The following EPG5 variants were observed in gnomAD, a reference collection of about 807,000 sequenced individuals.
EPG5 encodes ectopic P-granules 5 autophagy tethering factor.
A neutral mutation model predicts 302.7 loss-of-function variants in EPG5; 159 were observed. That is an observed-to-expected ratio of 0.53 (90% CI 0.46 to 0.60). The LOEUF (loss-of-function observed/expected upper bound fraction) is 0.60, where lower values mean the gene tolerates loss of function less well. EPG5 is among the 20% of genes least tolerant of loss of function. EPG5 has a pLI of 0.00. For synonymous variants in EPG5, 1,158 were observed against 1,136.8 expected (o/e 1.02, Z -0.37); for missense variants, 2,896 against 3,092.4 (o/e 0.94, Z 1.51).
rs528261811 is a variant in EPG5 at position 45,938,564 on chromosome 18, C to A, written c.2099+1036G>T. 6.6e-5 allele frequency among the ~76,000 whole-genome samples: 10 copies of A among 152,236 alleles called. No individual in the cohort carries two copies. In the South Asian group the frequency reaches 2.1e-3, roughly 32 times the overall value. ...AGTGGTTAACACTTAGCTAAGACCT[C>A]CTGATCTTTCTCTAAGTCTCTAGAT... On this transcript the variant is annotated intron_variant, in intron 10 of 43. Coordinates refer to ENST00000282041, the MANE Select transcript of EPG5 (RefSeq NM_020964.3).
chr18:45,887,109 A>G (rs1161041044), intron 29 of EPG5, among the ~76,000 whole-genome samples: 1 of 152,238 alleles, frequency 6.6e-6, no homozygotes, highest in Non-Finnish European at 1.5e-5. Context: ...TAGTGTTTAC[A>G]TATTTCAAAC....
At chr18:45,880,654 C>T (rs532143517) in intron 31 of EPG5, among the ~76,000 whole-genome samples, 53 of 152,232 alleles carry the variant, frequency 3.5e-4, no homozygotes, top group African/African-American at 1.1e-3. Flanking sequence ...AGTCTCCTAC[C>T]GGCCCCCCAA....
the EPG5 span, among the ~76,000 whole-genome samples, chr18:45,815,722 C>G: frequency 6.6e-6 from 1 of 152,154 alleles, no homozygotes; most frequent in African/African-American, 2.4e-5. Context: ...CTGCCAAAAG[C>G]AATCTACAAA....
rs1135402736 is a variant in EPG5, at chr18:45,922,395, G to A, written c.3044C>T (p.Ala1015Val). ...TFHPLLKAVK[A>V]GMPIGCYLAL... ...TAGATAACAGCCAATGGGCATGCCCGCTTTCACAGCCTTCAAGAGAGGATG... is the reference window on the plus strand; with the variant it reads ...TAGATAACAGCCAATGGGCATGCCCACTTTCACAGCCTTCAAGAGAGGATG... Residue 1015 changes from alanine (A) to valine (V), a missense_variant, in exon 16 of 44, where the codon GCG becomes GTG. Transcript: ENST00000282041. 15 of 1,614,078 alleles carry A rather than the reference G, an allele frequency of 9.3e-6. No individual in the cohort carries two copies. The highest frequency in any genetic ancestry group is 1.3e-5 in the Non-Finnish European group (15 of 1,180,048).
intron 16 of EPG5, among the ~76,000 whole-genome samples, chr18:45,919,841 T>C (rs1050075157): frequency 2.0e-5 from 3 of 152,298 alleles, no homozygotes; most frequent in Admixed American, 2.0e-4. Context: ...TTAAGCCTCA[T>C]AAAGTAAGTT....
chr18:45,860,961 G>A (rs774926871), intron 39 of EPG5, among the ~76,000 whole-genome samples: 7 of 152,114 alleles, frequency 4.6e-5, no homozygotes, highest in African/African-American at 1.4e-4. Flanking sequence ...GAAAAAGAAC[G>A]AATTCATTTT....
rs1599585295 is a variant in EPG5 at position 45,925,719 on chromosome 18, GA to G, written c.2718+18del. The G allele has an allele frequency of 6.9e-7, 1 of 1,445,920 alleles. No homozygotes were observed. The highest frequency in any genetic ancestry group is 9.1e-7 in the Non-Finnish European group (1 of 1,096,222). The allele number at this position is 1,445,920 out of a possible 1,614,324, so 89.6% of individuals were successfully genotyped here. A position where few individuals can be genotyped will look rare whatever the true frequency, so the allele number is the denominator to read the frequency against. On this transcript the variant is annotated intron_variant, in intron 14 of 43. Transcript: ENST00000282041. ...GCATGTACAACCTCCAGTCTCCAGG[GA>G]ATGGTTTGAACACATACCTGTTTAG...
intron 7 of EPG5, among the ~76,000 whole-genome samples, chr18:45,945,184 T>C (rs1447733832): frequency 6.6e-6 from 1 of 152,230 alleles, no homozygotes; most frequent in Non-Finnish European, 1.5e-5. Flanking sequence ...TACACTCTTA[T>C]TATGTATCTA....
chr18:45,838,435 G>C, the EPG5 span: 1 of 506,286 alleles, frequency 2.0e-6, no homozygotes, highest in South Asian at 3.0e-5. Context: ...ATTTGCTAGG[G>C]AGCCGGGACC....
rs1016456623 is a variant in EPG5, at chr18:45,866,731, T to C, written c.6621+67A>G. ...GCACTTCCTAGCTTCGACTGTCCTT[T>C]GTAGCACTTATGCTGCTACCAATCT... is the stretch of plus-strand genomic sequence containing the variant. On this transcript the variant is annotated intron_variant, in intron 38 of 43. Coordinates refer to ENST00000282041, the MANE Select transcript of EPG5 (RefSeq NM_020964.3). 12 of 1,249,366 alleles carry C rather than the reference T, an allele frequency of 9.6e-6. No individual in the cohort carries two copies. The African/African-American group carries it at 1.6e-4, about 17-fold the overall frequency. 77.4% of individuals were successfully genotyped at this position (1,249,366 alleles called of 1,614,324 possible).
At chr18:45,954,000 T>C in intron 2 of EPG5, 1 of 834,300 alleles carries the variant, frequency 1.2e-6, no homozygotes, top group Non-Finnish European at 1.4e-6. Flanking sequence ...TTGCTTGGCC[T>C]ACACTGTCTG....
rs763405574 is a variant in EPG5 at position 45,866,834 on chromosome 18, C to T, written c.6585G>A (p.Ala2195=). 1.2e-5 allele frequency: 20 copies of T among 1,614,040 alleles called. No individual in the cohort carries two copies. Among genetic ancestry groups the T allele is most frequent in the Admixed American group, 1.7e-5 (1 of 60,006 alleles). ...GGCTGTCAGTAGGAATAGAAAGGCC[C>T]GCAGACACTTTTAGGAGCTTCATGA... ...ELIMKLLKVS[A]GLSIPTDSQK... Residue 2195 remains alanine (A), a synonymous_variant, in exon 38 of 44, where the codon GCG becomes GCA. Transcript: ENST00000282041.
chr18:45,817,760 C>G, the EPG5 span, among the ~76,000 whole-genome samples: 1 of 152,184 alleles, frequency 6.6e-6, no homozygotes, highest in Non-Finnish European at 1.5e-5. Flanking sequence ...GAGAGAGCAA[C>G]AAGGAAGCCA....
chr18:45,909,061 A>G (rs1017430201), intron 23 of EPG5, among the ~76,000 whole-genome samples: 1 of 152,220 alleles, frequency 6.6e-6, no homozygotes, highest in African/African-American at 2.4e-5. Flanking sequence ...ATAGTCGGCA[A>G]ATACACAAAT....
chr18:45,842,400 GC>G, the EPG5 span: 2 of 582,464 alleles, frequency 3.4e-6, no homozygotes, highest in African/African-American at 1.9e-5. Flanking sequence ...ATTTTTGCCA[GC>G]ATTTCGTAAA....
chr18:45,898,141 C>G (rs1203706434), intron 27 of EPG5, among the ~76,000 whole-genome samples: 5 of 152,200 alleles, frequency 3.3e-5, no homozygotes, highest in Non-Finnish European at 7.3e-5. Context: ...AGGCAGATTG[C>G]TTGAGCCCAC....
the EPG5 span, among the ~76,000 whole-genome samples, chr18:45,813,114 C>A: frequency 6.6e-6 from 1 of 152,164 alleles, no homozygotes; most frequent in South Asian, 2.1e-4. Flanking sequence ...AGGATATGAA[C>A]AGACACGTCT....
At chr18:45,879,854 G>T (rs1253090665) in intron 32 of EPG5, among the ~76,000 whole-genome samples, 1 of 152,170 alleles carries the variant, frequency 6.6e-6, no homozygotes, top group Non-Finnish European at 1.5e-5. Context: ...ATCTACAGGG[G>T]AGTGCCTGCC....
At chr18:45,942,430 C>A (rs1425532612) in intron 9 of EPG5, among the ~76,000 whole-genome samples, 1 of 151,964 alleles carries the variant, frequency 6.6e-6, no homozygotes, top group Non-Finnish European at 1.5e-5. Flanking sequence ...TGGTGAAACC[C>A]CGTCTCCACT....
Sources: allele counts gnomAD v4.1 joint callset (sites outside exome capture counted in the v4.1 genomes callset), GRCh38; gene constraint gnomAD v4.1.1; transcripts MANE v1.5; gene names NCBI Gene and HGNC (gene_info 2026-07-23, HGNC 2026-07-21).